Variants in ETNK1 observed in about 807,000 individuals in gnomAD.
ETNK1 encodes the protein ethanolamine kinase 1.
A neutral mutation model predicts 45.1 loss-of-function variants in ETNK1; 8 were observed. That is an observed-to-expected ratio of 0.18 (90% CI 0.10 to 0.32). The LOEUF (loss-of-function observed/expected upper bound fraction) is 0.32. Among genes scored for constraint, ETNK1 ranks in the 10% least tolerant of loss-of-function variants. The pLI is 1.00. For missense variants in ETNK1, 302 were observed against 430.6 expected (o/e 0.70, Z 2.64); for synonymous variants, 152 against 151.9 (o/e 1.00, Z -0.01).
At chr12:22,656,671 C>T (rs754165560) in intron 2 of ETNK1, 130 of 985,168 alleles carry the variant, frequency 1.3e-4, no homozygotes, top group Non-Finnish European at 1.5e-4. Context: ...AGTTCCAGCA[C>T]GTGTGTCCCC....
At chr12:22,630,967 T>C (rs990589871) in intron 1 of ETNK1, among the ~76,000 whole-genome samples, 1 of 152,022 alleles carries the variant, frequency 6.6e-6, no homozygotes, top group African/African-American at 2.4e-5. Flanking sequence ...CAGGCAACAA[T>C]GTAGAGAAGG....
intron 4 of ETNK1, among the ~76,000 whole-genome samples, chr12:22,667,340 A>G (rs796483279): frequency 8.9e-4 from 135 of 152,078 alleles, no homozygotes; most frequent in African/African-American, 3.2e-3. Flanking sequence ...TTTTCTGCAA[A>G]CTTCATTTTT....
chr12:22,644,429 A>G (rs1423523335), intron 2 of ETNK1: 1 of 1,101,992 alleles, frequency 9.1e-7, no homozygotes, highest in East Asian at 3.2e-5. Context: ...TTTGTTCTTT[A>G]CGTTGTTCAT....
At chr12:22,679,545 C>T (rs543937728) in intron 6 of ETNK1, among the ~76,000 whole-genome samples, 2 of 152,244 alleles carry the variant, frequency 1.3e-5, no homozygotes, top group South Asian at 2.1e-4. Flanking sequence ...ACTTTCCTAG[C>T]CAACTAGGCA....
In ETNK1 at chr12:22,658,995, G is replaced by A; in HGVS notation, c.417-19G>A. 1 of 1,597,664 alleles carries A rather than the reference G, an allele frequency of 6.3e-7. No homozygotes were observed. Among genetic ancestry groups the A allele is most frequent in the East Asian group, 2.2e-5 (1 of 44,708 alleles). ...ATGATACTTAAGTTTTTCTTTTTATGCGGTTTTGTTTTAAACAGGCTAATA... is the reference window on the plus strand; with the variant it reads ...ATGATACTTAAGTTTTTCTTTTTATACGGTTTTGTTTTAAACAGGCTAATA... On this transcript the variant is annotated intron_variant, in intron 2 of 7. Transcript: ENST00000266517.
intron 6 of ETNK1, among the ~76,000 whole-genome samples, chr12:22,679,234 C>CAAAG (rs2137575374): frequency 6.6e-6 from 1 of 152,280 alleles, no homozygotes; most frequent in African/African-American, 2.4e-5. Flanking sequence ...AGTCTGTGGC[C>CAAAG]AAAGGCCCAA....
intron 6 of ETNK1, chr12:22,682,283 T>C: frequency 2.0e-6 from 1 of 498,776 alleles, no homozygotes. Flanking sequence ...AATTTTAGGG[T>C]GAAAACTTGA....
chr12:22,663,153 T>C (rs1954023520), intron 4 of ETNK1, among the ~76,000 whole-genome samples: 1 of 152,208 alleles, frequency 6.6e-6, no homozygotes, highest in East Asian at 1.9e-4. Flanking sequence ...TTATATATAA[T>C]TATCATAGTA....
chr12:22,644,521 A>G, intron 2 of ETNK1: 1 of 432,168 alleles, frequency 2.3e-6, no homozygotes, highest in Non-Finnish European at 3.4e-6. Flanking sequence ...CCAGCTTTAA[A>G]AATTCTCTTT....
intron 1 of ETNK1, among the ~76,000 whole-genome samples, chr12:22,632,612 C>T (rs764786998): frequency 6.6e-6 from 1 of 151,878 alleles, no homozygotes; most frequent in African/African-American, 2.4e-5. Flanking sequence ...TGAGCTCACG[C>T]GATCCCTTCT....
intron 6 of ETNK1, among the ~76,000 whole-genome samples, chr12:22,680,474 G>T (rs544867660): frequency 6.6e-6 from 1 of 152,028 alleles, no homozygotes; most frequent in East Asian, 1.9e-4. Context: ...TACTTCACAC[G>T]TCCTACTTCT....
At chr12:22,628,870 A>G (rs527605375) in intron 1 of ETNK1, among the ~76,000 whole-genome samples, 5 of 152,228 alleles carry the variant, frequency 3.3e-5, no homozygotes, top group Admixed American at 3.3e-4. Flanking sequence ...TTGGGTCTAA[A>G]TGAGATTGCT....
intron 4 of ETNK1, among the ~76,000 whole-genome samples, chr12:22,667,356 T>C (rs1191964187): frequency 1.3e-5 from 2 of 152,180 alleles, no homozygotes; most frequent in Non-Finnish European, 2.9e-5. Flanking sequence ...TTTTTTCTAC[T>C]AGCATTTAAA....
chr12:22,678,445 G>GT (rs1474316833), intron 6 of ETNK1, among the ~76,000 whole-genome samples: 1 of 152,148 alleles, frequency 6.6e-6, no homozygotes, highest in Non-Finnish European at 1.5e-5. Context: ...GTTGACTTTT[G>GT]TGATAGTTTT....
intron 1 of ETNK1, among the ~76,000 whole-genome samples, chr12:22,630,302 G>A (rs1476385854): frequency 6.6e-6 from 1 of 152,164 alleles, no homozygotes; most frequent in East Asian, 1.9e-4. Flanking sequence ...AGAATTGTGA[G>A]CTCCTAAAAT....
intron 4 of ETNK1, among the ~76,000 whole-genome samples, chr12:22,669,327 A>G (rs1287886665): frequency 5.3e-5 from 7 of 130,994 alleles, no homozygotes. Context: ...ATTTTAAAAT[A>G]AAAAAATAAA....
chr12:22,688,049 A>G lies in ETNK1; in HGVS notation c.*3095A>G, dbSNP rs867392964. 8.5e-5 allele frequency: 13 copies of G among 152,338 alleles called. No homozygotes were observed. The highest frequency in any genetic ancestry group is 8.3e-4 in the South Asian group (4 of 4,822). The allele number at this position is 152,338 out of a possible 1,614,324, so 9.4% of individuals were successfully genotyped here. Reference sequence around the variant, plus strand: ...GGAAGCAGTGAATTTATACACTGTTATATTAATAGAGCTCCGTTCTTTGAG... The same window carrying G: ...GGAAGCAGTGAATTTATACACTGTTGTATTAATAGAGCTCCGTTCTTTGAG... On this transcript the variant is annotated 3_prime_UTR_variant, in exon 8 of 8. Transcript: ENST00000266517.
chr12:22,630,862 C>T (rs1255287312), intron 1 of ETNK1, among the ~76,000 whole-genome samples: 8 of 152,108 alleles, frequency 5.3e-5, no homozygotes, highest in Admixed American at 6.5e-5. Flanking sequence ...CCACCCACCT[C>T]GGCCTCCCAA....
rs1418457964 is a variant in ETNK1 at position 22,673,550 on chromosome 12, C to G, written c.835C>G (p.Gln279Glu). 1.2e-6 allele frequency: 2 copies of G among 1,613,812 alleles called. No homozygotes were observed. Among genetic ancestry groups the G allele is most frequent in the South Asian group, 2.2e-5 (2 of 91,072 alleles). The change falls in exon 6 of 8, where the codon CAG becomes GAG. Residue 279 changes from glutamine to glutamate, a missense_variant. Physicochemically the swap from Gln to Glu is conservative, Grantham distance 29 (BLOSUM62 2). Coordinates refer to ENST00000266517, the MANE Select transcript of ETNK1 (RefSeq NM_018638.5). ...SLYPDRELQS[Q>E]WLRAYLEAYK... ...GTATCCAGATAGAGAACTACAGAGT[C>G]AGTGGCTGCGTGCTTACCTTGAAGC...
Sources: gnomAD v4.1 joint callset for allele counts (sites outside exome capture counted in the v4.1 genomes callset) on GRCh38, gnomAD v4.1.1 for gene constraint, MANE v1.5 for transcripts, NCBI Gene and HGNC (gene_info 2026-07-23, HGNC 2026-07-21) for gene names.